LRRC37A3: variants seen among roughly 807,000 people sequenced by gnomAD.
The protein encoded by LRRC37A3 is leucine rich repeat containing 37 member A3, also known as leucine-rich repeat-containing protein 37A3.
Under a neutral mutation model 106.2 loss-of-function variants are expected in LRRC37A3, and 25 were observed. The observed-to-expected ratio is 0.24, with a 90% confidence interval of 0.17 to 0.33. LRRC37A3 has a LOEUF of 0.33. Among genes scored for constraint, LRRC37A3 ranks in the 10% least tolerant of loss-of-function variants. The pLI is 1.00. For missense variants in LRRC37A3, 712 were observed against 1,644.9 expected, an observed-to-expected ratio of 0.43 and a Z score of 9.81; for synonymous variants, 305 against 635.8, an observed-to-expected ratio of 0.48 and a Z score of 7.83.
intron 2 of LRRC37A3, among the ~76,000 whole-genome samples, chr17:64,914,711 A>AAAG (rs1264783106): frequency 7.0e-6 from 1 of 143,226 alleles, no homozygotes; most frequent in East Asian, 2.0e-4. Context: ...TCTCTATTTA[A>AAAG]AAAGAAAGAA....
chr17:64,901,346 A>G (rs1974304248), intron 2 of LRRC37A3: 1 of 150,674 alleles, frequency 6.6e-6, no homozygotes, highest in Non-Finnish European at 1.5e-5. Context: ...GTTCAAATCC[A>G]AAATAGAGAC....
chr17:64,917,614 G>A (rs1260683474), intron 2 of LRRC37A3, among the ~76,000 whole-genome samples: 1 of 151,838 alleles, frequency 6.6e-6, no homozygotes, highest in Non-Finnish European at 1.5e-5. Flanking sequence ...CAACACAGAT[G>A]AATCTTAAAT....
intron 4 of LRRC37A3, among the ~76,000 whole-genome samples, chr17:64,893,646 T>C (rs1455666974): frequency 3.8e-5 from 5 of 130,704 alleles, no homozygotes; most frequent in African/African-American, 1.7e-4. Context: ...TTCCCTCCTA[T>C]CATTTTTTTT....
At chr17:64,890,756 C>T (rs1479617097) in intron 5 of LRRC37A3, among the ~76,000 whole-genome samples, 5 of 146,218 alleles carry the variant, frequency 3.4e-5, no homozygotes, top group South Asian at 2.1e-4. Flanking sequence ...CCCTTGAACC[C>T]GGGAGGTGGA....
chr17:64,873,886 A>G (rs1025798610), intron 8 of LRRC37A3, among the ~76,000 whole-genome samples: 1 of 152,172 alleles, frequency 6.6e-6, no homozygotes, highest in African/African-American at 2.4e-5. Flanking sequence ...ATTTGAAGAA[A>G]TGATGGCCCC....
chr17:64,876,609 T>C (rs1203797883), intron 8 of LRRC37A3, among the ~76,000 whole-genome samples: 1 of 152,202 alleles, frequency 6.6e-6, no homozygotes, highest in Non-Finnish European at 1.5e-5. Flanking sequence ...ATGCTAATAA[T>C]TGGATAAGCT....
chr17:64,884,310 A>G (rs1339848218), intron 8 of LRRC37A3, among the ~76,000 whole-genome samples: 1 of 151,368 alleles, frequency 6.6e-6, no homozygotes, highest in Non-Finnish European at 1.5e-5. Context: ...TGTTGCCTAC[A>G]TAATTGTAGT....
At chr17:64,899,531 AT>A (rs1974244865) in intron 2 of LRRC37A3, among the ~76,000 whole-genome samples, 1 of 144,204 alleles carries the variant, frequency 6.9e-6, no homozygotes, top group Non-Finnish European at 1.5e-5. Flanking sequence ...CGCAAACTTC[AT>A]TTTGCAGCAC....
chr17:64,881,108 C>T, intron 8 of LRRC37A3: 1 of 700,916 alleles, frequency 1.4e-6, no homozygotes, highest in East Asian at 2.7e-5. Flanking sequence ...CTTTATTCAT[C>T]TACATAGGTT....
intron 2 of LRRC37A3, among the ~76,000 whole-genome samples, chr17:64,910,802 C>T (rs570009838): frequency 6.7e-6 from 1 of 149,306 alleles, no homozygotes; most frequent in African/African-American, 2.5e-5. Context: ...CCACCACACC[C>T]GGCTAATTTT....
At chr17:64,875,033 A>C (rs1345372333) in intron 8 of LRRC37A3, among the ~76,000 whole-genome samples, 1 of 151,818 alleles carries the variant, frequency 6.6e-6, no homozygotes, top group African/African-American at 2.4e-5. Context: ...CCTTCCCTCC[A>C]CTATTGTCCT....
Position 64,854,172 on chromosome 17 carries a change from T to G in LRRC37A3, c.*427A>C, listed in dbSNP as rs1350742184. ...TGAATCTTTTGCCATCTTGTAAGGG[T>G]GAAAAGCCCCCTACCAAGTCGGGAT... On this transcript the variant is annotated 3_prime_UTR_variant, in exon 15 of 15. Transcript: ENST00000584306. 31 of 237,128 alleles carry G rather than the reference T, an allele frequency of 1.3e-4. No individual in the cohort carries two copies. The highest frequency in any genetic ancestry group is 2.4e-4 in the Non-Finnish European group (29 of 123,034). 14.7% of individuals were successfully genotyped at this position (237,128 alleles called of 1,614,324 possible).
intron 8 of LRRC37A3, among the ~76,000 whole-genome samples, chr17:64,883,223 C>T (rs1358098455): frequency 1.3e-5 from 2 of 152,174 alleles, no homozygotes; most frequent in Non-Finnish European, 1.5e-5. Context: ...GGTTGTTTGA[C>T]TTTACTGTGC....
chr17:64,916,026 T>C (rs1567789632), intron 2 of LRRC37A3, among the ~76,000 whole-genome samples: 1 of 152,092 alleles, frequency 6.6e-6, no homozygotes, highest in East Asian at 1.9e-4. Flanking sequence ...ACCTTGAACC[T>C]GGGGTCGAGG....
At chr17:64,864,107 G>C (rs1463635958) in intron 10 of LRRC37A3, among the ~76,000 whole-genome samples, 1 of 151,740 alleles carries the variant, frequency 6.6e-6, no homozygotes, top group Non-Finnish European at 1.5e-5. Context: ...GGGATTACAA[G>C]TGGGAGCCAC....
Position 64,859,871 on chromosome 17 carries a change from T to C in LRRC37A3, c.4275A>G (p.Ala1425=), listed in dbSNP as rs756139279. 2 of 1,613,128 alleles carry C rather than the reference T, an allele frequency of 1.2e-6. No individual in the cohort carries two copies. Among genetic ancestry groups the C allele is most frequent in the East Asian group, 4.5e-5 (2 of 44,874 alleles). ...AGTTGAATGCAGTCCCAGCGGAATC[T>C]GCCTCAGGAGGATGATTGTAGTTTG... ...ENTNYNHPPE[A]DSAGTAFNLG... Residue 1425 remains alanine (A), a synonymous_variant, in exon 12 of 15, where the codon GCA becomes GCG. Coordinates refer to ENST00000584306, the MANE Select transcript of LRRC37A3 (RefSeq NM_199340.5).
chr17:64,917,973 CTAAA>C (rs1323210086), intron 2 of LRRC37A3, among the ~76,000 whole-genome samples: 13 of 148,262 alleles, frequency 8.8e-5, no homozygotes, highest in South Asian at 4.3e-4. Context: ...TGTCTCAAAA[CTAAA>C]TAAATAAAGT....
chr17:64,854,776 C>T, intron 14 of LRRC37A3, 132 bp from the exon 15 acceptor site: 2 of 1,611,756 alleles, frequency 1.2e-6, no homozygotes, highest in Non-Finnish European at 1.7e-6. Flanking sequence ...AGGATCTTGT[C>T]CTCATTAGAT....
chr17:64,855,827 G>A lies in LRRC37A3; in HGVS notation c.4859+13C>T. 6.2e-7 allele frequency: 1 copy of A among 1,611,602 alleles called. No homozygotes were observed. Among genetic ancestry groups the A allele is most frequent in the Non-Finnish European group, 8.5e-7 (1 of 1,179,620 alleles). On this transcript the variant is annotated intron_variant, in intron 14 of 14. Coordinates refer to ENST00000584306, the MANE Select transcript of LRRC37A3 (RefSeq NM_199340.5). Reference sequence around the variant, plus strand: ...AAAAGAAAAGAAAAAAAAATCACCAGACTAATATTTACCTTGAGAATCCTT... The same window carrying A: ...AAAAGAAAAGAAAAAAAAATCACCAAACTAATATTTACCTTGAGAATCCTT...
Sources: gnomAD v4.1 joint callset for allele counts (sites outside exome capture counted in the v4.1 genomes callset) on GRCh38, gnomAD v4.1.1 for gene constraint, MANE v1.5 for transcripts, NCBI Gene and HGNC (gene_info 2026-07-23, HGNC 2026-07-21) for gene names.